The following GPR55 variants were observed in gnomAD, a reference collection of about 807,000 sequenced individuals.
The protein encoded by GPR55 is G protein-coupled receptor 55, also known as G-protein coupled receptor 55.
In GPR55, 6 loss-of-function variants were observed where a neutral mutation model predicts 7.9. The observed-to-expected ratio is 0.76, with a 90% CI of 0.41 to 1.49. The LOEUF is 1.49. GPR55 is among the 40% of genes most tolerant of loss of function. The pLI, the probability that GPR55 is intolerant of heterozygous loss-of-function variation, is 0.01. For missense variants in GPR55, 376 were observed against 406.0 expected, an observed-to-expected ratio of 0.93 and a Z score of 0.63; for synonymous variants, 183 against 166.8, an observed-to-expected ratio of 1.10 and a Z score of -0.75.
intron 1 of GPR55, among the ~76,000 whole-genome samples, chr2:230,930,405 C>A (rs189960719): frequency 2.4e-4 from 33 of 137,166 alleles, no homozygotes; most frequent in African/African-American, 8.2e-4. Context: ...TCCCACCTCC[C>A]CTACACACAG....
chr2:230,941,512 C>G (rs943810943), intron 1 of GPR55, among the ~76,000 whole-genome samples: 8 of 152,226 alleles, frequency 5.3e-5, no homozygotes, highest in African/African-American at 1.9e-4. Context: ...CCCACCACTT[C>G]CCACACTCGG....
intron 1 of GPR55, among the ~76,000 whole-genome samples, chr2:230,954,272 A>G (rs556167239): frequency 6.7e-4 from 102 of 152,322 alleles, no homozygotes; most frequent in African/African-American, 2.3e-3. Context: ...CACCCCATCC[A>G]AGCCAGAACT....
intron 1 of GPR55, among the ~76,000 whole-genome samples, chr2:230,939,263 GT>G (rs1691182192): frequency 6.6e-6 from 1 of 152,230 alleles, no homozygotes; most frequent in Non-Finnish European, 1.5e-5. Flanking sequence ...CCTTACTGGG[GT>G]GGGCATGGCA....
chr2:230,943,749 C>A (rs1010891108), intron 1 of GPR55, among the ~76,000 whole-genome samples: 7 of 152,122 alleles, frequency 4.6e-5, no homozygotes, highest in East Asian at 1.9e-4. Context: ...TTCCTTCTTG[C>A]GAGATCTGGC....
intron 1 of GPR55, among the ~76,000 whole-genome samples, chr2:230,933,532 G>C (rs566788782): frequency 2.0e-3 from 310 of 152,368 alleles, no homozygotes; most frequent in African/African-American, 7.0e-3. Flanking sequence ...GCCTGTGGCA[G>C]TGGGTGGCTG....
chr2:230,914,156 G>T (rs1690658156), intron 1 of GPR55, among the ~76,000 whole-genome samples: 1 of 152,246 alleles, frequency 6.6e-6, no homozygotes, highest in South Asian at 2.1e-4. Context: ...CAGACACAGT[G>T]TGTGGCTGAA....
At chr2:230,927,221 A>T (rs1363487589), upstream of GPR55, among the ~76,000 whole-genome samples, 1 of 151,708 alleles carries the variant, frequency 6.6e-6, no homozygotes, top group Non-Finnish European at 1.5e-5. Context: ...CTGAGCTCTT[A>T]TTTTCTCCCT....
chr2:230,932,997 C>T lies in GPR55; in HGVS notation c.-134-21901G>A, dbSNP rs569162590. On this transcript the variant is annotated intron_variant, in intron 1 of 1. Transcript: ENST00000392039. ...TCAGAGCCCCAGGATCGTGCTCTCA[C>T]GCTGATCTTTGGCAACGATGAAGGG... 9.8e-4 allele frequency among the ~76,000 whole-genome samples: 150 copies of T among 152,340 alleles called. 3 individuals are homozygous for T. The highest frequency in any genetic ancestry group is 3.4e-3 in the Middle Eastern group (1 of 294).
chr2:230,957,601 C>T (rs59011825), intron 1 of GPR55: 27,713 of 450,256 alleles, frequency 0.062, 1,287 homozygotes, highest in East Asian at 0.16. Context: ...CCGTGGCCGC[C>T]GCTCCGGAGC....
chr2:230,947,850 C>T (rs968757812), intron 1 of GPR55, among the ~76,000 whole-genome samples: 16 of 151,926 alleles, frequency 1.1e-4, no homozygotes, highest in African/African-American at 1.9e-4. Context: ...TCAGCTGGTG[C>T]CCCCCCTCCA....
intron 1 of GPR55, among the ~76,000 whole-genome samples, chr2:230,957,441 C>G (rs1274287915): frequency 1.3e-5 from 2 of 151,980 alleles, no homozygotes; most frequent in Non-Finnish European, 2.9e-5. Flanking sequence ...CAGGATGGAG[C>G]GGGACAGCGA....
rs539881402 is a variant in GPR55, at chr2:230,924,276, G to A, written c.-135+892C>T. Reference sequence around the variant, plus strand: ...TGCTCCCTTTACAGCTGGGACAGCCGCTCAGAACCAAAGGCAAACCTTGCC... The same window carrying A: ...TGCTCCCTTTACAGCTGGGACAGCCACTCAGAACCAAAGGCAAACCTTGCC... On this transcript the variant is annotated intron_variant, in intron 1 of 1. Coordinates refer to ENST00000650999, the MANE Select transcript of GPR55 (RefSeq NM_005683.4). The surrounding 1 kb of genome is among the most constrained non-coding windows in gnomAD (Gnocchi z 4.5). 1.3e-4 allele frequency among the ~76,000 whole-genome samples: 20 copies of A among 152,312 alleles called. No individual in the cohort carries two copies. The highest frequency in any genetic ancestry group is 3.8e-4 in the African/African-American group (16 of 41,574).
intron 1 of GPR55, among the ~76,000 whole-genome samples, chr2:230,931,426 G>A (rs918592625): frequency 6.6e-6 from 1 of 152,196 alleles, no homozygotes; most frequent in Non-Finnish European, 1.5e-5. Flanking sequence ...TGCACCACGA[G>A]CTTGATGCAG....
At chr2:230,912,258 C>T (rs1453531462) in intron 1 of GPR55, among the ~76,000 whole-genome samples, 3 of 152,080 alleles carry the variant, frequency 2.0e-5, no homozygotes, top group African/African-American at 7.2e-5. Context: ...TGAGCAAGTG[C>T]GGCCAGGTCC....
At chr2:230,943,332 A>C (rs1691262772) in intron 1 of GPR55, among the ~76,000 whole-genome samples, 1 of 152,064 alleles carries the variant, frequency 6.6e-6, no homozygotes, top group Non-Finnish European at 1.5e-5. Flanking sequence ...CTTCCAGAGC[A>C]GCCCCTCCTT....
At chr2:230,933,818 G>A (rs1353824634) in intron 1 of GPR55, among the ~76,000 whole-genome samples, 5 of 152,196 alleles carry the variant, frequency 3.3e-5, no homozygotes, top group Admixed American at 6.5e-5. Flanking sequence ...TGACAGCAGC[G>A]GGATGAAGCT....
At chr2:230,954,141 T>C (rs1460074429) in intron 1 of GPR55, among the ~76,000 whole-genome samples, 2 of 152,268 alleles carry the variant, frequency 1.3e-5, no homozygotes, top group African/African-American at 2.4e-5. Flanking sequence ...TTCACAGCCC[T>C]GGCTATGCAG....
At chr2:230,951,740 T>C (rs1691406154) in intron 1 of GPR55, among the ~76,000 whole-genome samples, 1 of 142,650 alleles carries the variant, frequency 7.0e-6, no homozygotes, top group African/African-American at 2.8e-5. Context: ...TTTGTGGGTT[T>C]TTTGTTGTTA....
rs539792319 is a variant in GPR55 at position 230,939,207 on chromosome 2, G to T, written c.-135+21568C>A. ...GCAGAAGGGCTGTGGAGTTCTGGGG[G>T]GGCAGGGCTCTTTCCGGTGGCTCCG... On this transcript the variant is annotated intron_variant, in intron 1 of 1. Transcript: ENST00000392039. Among the ~76,000 whole-genome samples the T allele has an allele frequency of 1.5e-4, 23 of 152,364 alleles. No individual in the cohort carries two copies. The South Asian group carries it at 4.3e-3, about 29-fold the overall frequency.
Sources: gnomAD v4.1 joint callset for allele counts (sites outside exome capture counted in the v4.1 genomes callset) on GRCh38, gnomAD v4.1.1 for gene constraint, Gnocchi (gnomAD v3.1) non-coding constraint, MANE v1.5 for transcripts, NCBI Gene and HGNC (gene_info 2026-07-23, HGNC 2026-07-21) for gene names.